HDAC9: variants seen among roughly 807,000 people sequenced by gnomAD.
HDAC9 encodes the protein MEF-2 interacting transcription repressor (MITR) protein.
In HDAC9, 41 loss-of-function variants were observed where a neutral mutation model predicts 139.4. The observed-to-expected ratio is 0.29, with a 90% CI of 0.23 to 0.38. The LOEUF (loss-of-function observed/expected upper bound fraction) is 0.38, where lower values mean the gene tolerates loss of function less well. Ranked by LOEUF, HDAC9 falls within the 10% of genes least tolerant of loss-of-function variation. The probability of loss-of-function intolerance (pLI) is 1.00; values close to 1 mark genes in which losing one functional copy is unlikely to be tolerated. For synonymous variants in HDAC9, 517 were observed against 476.2 expected (o/e 1.09, Z -1.12); for missense variants, 1,147 against 1,297.0 (o/e 0.88, Z 1.78).
At chr7:18,624,169 C>T (rs1364117097) in intron 6 of HDAC9, among the ~76,000 whole-genome samples, 1 of 152,152 alleles carries the variant, frequency 6.6e-6, no homozygotes, top group African/African-American at 2.4e-5. Flanking sequence ...TTGCTTCCGC[C>T]ACCTAGGTTT....
chr7:18,794,516 T>C (rs117011671), intron 17 of HDAC9, among the ~76,000 whole-genome samples: 3,131 of 152,290 alleles, frequency 0.021, 41 homozygotes, highest in Non-Finnish European at 0.031. Context: ...TAGGGTGAGC[T>C]CTATTTAAAA....
chr7:18,323,836 C>T (rs921939840), intron 1 of HDAC9, among the ~76,000 whole-genome samples: 2 of 152,114 alleles, frequency 1.3e-5, no homozygotes, highest in East Asian at 1.9e-4. Context: ...TAACAACATA[C>T]AGTTATTCTC....
chr7:18,537,104 G>A (rs1359674731), intron 2 of HDAC9, among the ~76,000 whole-genome samples: 5 of 152,074 alleles, frequency 3.3e-5, no homozygotes, highest in African/African-American at 9.7e-5. Flanking sequence ...AGGAATAATC[G>A]TAAAGCAAAC....
chr7:18,370,016 AC>A (rs1473261537), intron 1 of HDAC9, among the ~76,000 whole-genome samples: 4 of 152,178 alleles, frequency 2.6e-5, no homozygotes, highest in African/African-American at 9.7e-5. Flanking sequence ...TTTAAGACTT[AC>A]TTTTCCAGTT....
At chr7:18,899,983 T>A (rs1801550060) in intron 22 of HDAC9, among the ~76,000 whole-genome samples, 1 of 152,096 alleles carries the variant, frequency 6.6e-6, no homozygotes, top group Non-Finnish European at 1.5e-5. Flanking sequence ...ATGATAGATT[T>A]CTCTGTACAT....
intron 1 of HDAC9, among the ~76,000 whole-genome samples, chr7:18,304,001 C>T (rs1198101223): frequency 6.6e-6 from 1 of 152,182 alleles, no homozygotes; most frequent in Non-Finnish European, 1.5e-5. Context: ...TAATTGGTTT[C>T]TTTGTTACAG....
intron 1 of HDAC9, among the ~76,000 whole-genome samples, chr7:18,465,120 C>G (rs1794161979): frequency 6.6e-6 from 1 of 151,860 alleles, no homozygotes; most frequent in African/African-American, 2.4e-5. Flanking sequence ...TTCTTTTTAC[C>G]TGATACGCCA....
intron 2 of HDAC9, among the ~76,000 whole-genome samples, chr7:18,195,458 T>C (rs1418626211): frequency 6.6e-6 from 1 of 152,178 alleles, no homozygotes; most frequent in Non-Finnish European, 1.5e-5. Flanking sequence ...AATAAAAACA[T>C]GAAATAGCCT....
rs148492848 is a variant in HDAC9 at position 18,133,666 on chromosome 7, T to G, written c.-96-28563T>G. On this transcript the variant is annotated intron_variant, in intron 1 of 12. Transcript: ENST00000417496. ...CTTAATGGGCTCGAGTTTTGTTGGTTGTTTTGCATTTAAAATGGCACTTGA... is the reference window on the plus strand; with the variant it reads ...CTTAATGGGCTCGAGTTTTGTTGGTGGTTTTGCATTTAAAATGGCACTTGA... Among the ~76,000 whole-genome samples, 19 of 152,218 alleles carry G rather than the reference T, an allele frequency of 1.2e-4. No individual in the cohort carries two copies. The South Asian group carries it at 2.3e-3, about 18-fold the overall frequency.
intron 6 of HDAC9, among the ~76,000 whole-genome samples, chr7:18,628,892 G>GTGTC (rs1781479641): frequency 6.6e-6 from 1 of 152,084 alleles, no homozygotes; most frequent in African/African-American, 2.4e-5. Context: ...TGCTGCAGAG[G>GTGTC]TGTCTTCTTA....
chr7:18,736,408 C>T (rs1409863307), intron 13 of HDAC9, among the ~76,000 whole-genome samples: 1 of 152,108 alleles, frequency 6.6e-6, no homozygotes, highest in Non-Finnish European at 1.5e-5. Context: ...AGATACATTC[C>T]ATAAATACCT....
intron 17 of HDAC9, among the ~76,000 whole-genome samples, chr7:18,801,416 A>T (rs890930929): frequency 5.9e-5 from 9 of 152,020 alleles, no homozygotes; most frequent in African/African-American, 1.9e-4. Context: ...AATATTAAAA[A>T]TTTTTGTATT....
intron 23 of HDAC9, among the ~76,000 whole-genome samples, chr7:18,950,585 C>T (rs1782722464): frequency 6.6e-6 from 1 of 151,996 alleles, no homozygotes; most frequent in Non-Finnish European, 1.5e-5. Context: ...CAGTCTCCAT[C>T]TTCGTCTTTA....
chr7:18,668,540 CTA>C (rs1433486634), intron 12 of HDAC9: 12 of 974,792 alleles, frequency 1.2e-5, no homozygotes, highest in Non-Finnish European at 1.3e-5. Flanking sequence ...ACAAAAAAAA[CTA>C]TTTTTTATAA....
intron 2 of HDAC9, among the ~76,000 whole-genome samples, chr7:18,540,445 G>A (rs1218608179): frequency 2.0e-5 from 3 of 152,048 alleles, no homozygotes; most frequent in Admixed American, 6.5e-5. Flanking sequence ...GTCAAGTACT[G>A]TGCTAAGCCT....
intron 1 of HDAC9, among the ~76,000 whole-genome samples, chr7:18,313,729 T>C: frequency 6.6e-6 from 1 of 152,208 alleles, no homozygotes; most frequent in East Asian, 1.9e-4. Flanking sequence ...AATAATAACA[T>C]AGCCTTAATG....
At chr7:18,958,957 A>G (rs949925905) in intron 24 of HDAC9, among the ~76,000 whole-genome samples, 3 of 152,172 alleles carry the variant, frequency 2.0e-5, no homozygotes, top group Non-Finnish European at 4.4e-5. Context: ...AGCTGGATCT[A>G]GCACTTGGCT....
At chr7:18,424,769 G>A (rs557949206) in intron 1 of HDAC9, among the ~76,000 whole-genome samples, 5 of 152,068 alleles carry the variant, frequency 3.3e-5, no homozygotes, top group Admixed American at 6.6e-5. Context: ...AAATCAGCTG[G>A]GCGTGATGGC....
intron 2 of HDAC9, among the ~76,000 whole-genome samples, chr7:18,581,657 T>C (rs1041407900): frequency 1.3e-5 from 2 of 152,218 alleles, no homozygotes; most frequent in East Asian, 3.9e-4. Context: ...CTGAAGGCTA[T>C]AGCTTGGCCT....
Sources: allele counts gnomAD v4.1 joint callset (sites outside exome capture counted in the v4.1 genomes callset), GRCh38; gene constraint gnomAD v4.1.1; transcripts MANE v1.5; gene names NCBI Gene and HGNC (gene_info 2026-07-23, HGNC 2026-07-21).